MAPKAP1: variants seen among roughly 807,000 people sequenced by gnomAD.
MAPKAP1 encodes MAPK associated protein 1, also known as target of rapamycin complex 2 subunit MAPKAP1.
In MAPKAP1, 20 loss-of-function variants were observed where a neutral mutation model predicts 65.7. The ratio of observed to expected loss-of-function variants is 0.30; its 90% CI spans 0.21 to 0.44. The LOEUF is 0.44. Among genes scored for constraint, MAPKAP1 ranks in the 20% least tolerant of loss-of-function variants. The probability of loss-of-function intolerance (pLI) is 1.00; values close to 1 mark genes in which losing one functional copy is unlikely to be tolerated. For missense variants in MAPKAP1, 423 were observed against 648.0 expected, an observed-to-expected ratio of 0.65 and a Z score of 3.77; for synonymous variants, 222 against 244.3, an observed-to-expected ratio of 0.91 and a Z score of 0.85.
chr9:125,539,982 T>G (rs1228905765), intron 7 of MAPKAP1, among the ~76,000 whole-genome samples: 8 of 152,188 alleles, frequency 5.3e-5, no homozygotes, highest in Admixed American at 5.2e-4. Flanking sequence ...TCTTTTCATA[T>G]GAATATTAAT....
intron 3 of MAPKAP1, among the ~76,000 whole-genome samples, chr9:125,658,421 C>G (rs1315941074): frequency 6.6e-6 from 1 of 152,172 alleles, no homozygotes; most frequent in African/African-American, 2.4e-5. Flanking sequence ...TTTAGCAAGT[C>G]AATATATCTC....
intron 5 of MAPKAP1, among the ~76,000 whole-genome samples, chr9:125,560,545 C>T (rs931473106): frequency 3.9e-5 from 6 of 152,138 alleles, no homozygotes; most frequent in Non-Finnish European, 7.4e-5. Flanking sequence ...GATGGTGTTA[C>T]TTCACTCCAG....
At chr9:125,450,090 C>G (rs1033940225) in intron 10 of MAPKAP1, among the ~76,000 whole-genome samples, 1 of 151,852 alleles carries the variant, frequency 6.6e-6, no homozygotes, top group African/African-American at 2.4e-5. Context: ...GCCCGGCTAT[C>G]ATTTTTTTTA....
chr9:125,547,212 G>A (rs144346478), intron 6 of MAPKAP1, among the ~76,000 whole-genome samples: 3 of 152,268 alleles, frequency 2.0e-5, no homozygotes, highest in African/African-American at 4.8e-5. Flanking sequence ...CAGGCTTTCT[G>A]TACTAAGCAG....
At chr9:125,491,884 G>A (rs1393615440) in intron 8 of MAPKAP1, among the ~76,000 whole-genome samples, 1 of 151,942 alleles carries the variant, frequency 6.6e-6, no homozygotes, top group Non-Finnish European at 1.5e-5. Flanking sequence ...ATTTTTAATA[G>A]ATGTAACTCA....
chr9:125,463,056 A>G (rs1439116579), intron 10 of MAPKAP1, among the ~76,000 whole-genome samples: 2 of 152,062 alleles, frequency 1.3e-5, no homozygotes, highest in African/African-American at 4.8e-5. Flanking sequence ...TTGCAAAAGT[A>G]CCCCCTTCTG....
At chr9:125,606,878 A>G (rs918624874) in intron 4 of MAPKAP1, among the ~76,000 whole-genome samples, 7 of 152,186 alleles carry the variant, frequency 4.6e-5, no homozygotes, top group Non-Finnish European at 1.0e-4. Context: ...GCATGGAGCT[A>G]GGGGAGGGTA....
At chr9:125,458,869 G>A (rs1217776021) in intron 10 of MAPKAP1, among the ~76,000 whole-genome samples, 6 of 31,980 alleles carry the variant, frequency 1.9e-4, no homozygotes, top group Admixed American at 7.3e-4. Context: ...CCTCCCTCCC[G>A]GACGGGGCCG....
chr9:125,507,134 T>C (rs1158812151), intron 7 of MAPKAP1, among the ~76,000 whole-genome samples: 3 of 152,254 alleles, frequency 2.0e-5, no homozygotes, highest in Non-Finnish European at 4.4e-5. Flanking sequence ...CCAGGAATAC[T>C]AGCTACCCTG....
intron 7 of MAPKAP1, among the ~76,000 whole-genome samples, chr9:125,539,288 G>T (rs1830170618): frequency 6.6e-6 from 1 of 152,140 alleles, no homozygotes; most frequent in Non-Finnish European, 1.5e-5. Flanking sequence ...TCAAAAGAAT[G>T]GACAGGAATA....
At chr9:125,586,837 C>T (rs1214361364) in intron 4 of MAPKAP1, among the ~76,000 whole-genome samples, 2 of 152,138 alleles carry the variant, frequency 1.3e-5, no homozygotes, top group African/African-American at 4.8e-5. Context: ...TCCCTCACTC[C>T]CTCCTATCCC....
chr9:125,693,247 T>C (rs1036983914), intron 1 of MAPKAP1, among the ~76,000 whole-genome samples: 5 of 151,988 alleles, frequency 3.3e-5, no homozygotes, highest in Middle Eastern at 3.4e-3. Context: ...ACCCCGTCTC[T>C]ACTAAAAATA....
At chr9:125,514,576 G>C (rs1033133561) in intron 7 of MAPKAP1, among the ~76,000 whole-genome samples, 2 of 152,212 alleles carry the variant, frequency 1.3e-5, no homozygotes, top group African/African-American at 4.8e-5. Flanking sequence ...TGCCGAGCAA[G>C]TCTCTAATCT....
intron 7 of MAPKAP1, among the ~76,000 whole-genome samples, chr9:125,531,297 G>C (rs535520796): frequency 7.2e-5 from 11 of 152,290 alleles, no homozygotes; most frequent in Middle Eastern, 3.4e-3. Context: ...CTAGCTGTGC[G>C]ACCTCAGCAA....
At chr9:125,503,780 G>A (rs7028202) in intron 8 of MAPKAP1, among the ~76,000 whole-genome samples, 13,317 of 148,882 alleles carry the variant, frequency 0.089, 1,124 homozygotes, top group African/African-American at 0.23. Context: ...GCAGTGGCAC[G>A]ATCTGAGCTC....
intron 10 of MAPKAP1, among the ~76,000 whole-genome samples, chr9:125,453,804 C>T (rs915110299): frequency 2.4e-4 from 37 of 152,202 alleles, no homozygotes; most frequent in African/African-American, 8.7e-4. Flanking sequence ...AAAAAAATCA[C>T]TTTCATTAAT....
At chr9:125,535,280 A>C (rs1830041417) in intron 7 of MAPKAP1, among the ~76,000 whole-genome samples, 1 of 152,168 alleles carries the variant, frequency 6.6e-6, no homozygotes, top group Non-Finnish European at 1.5e-5. Flanking sequence ...CCATCAAATA[A>C]ATCACCCCAG....
chr9:125,493,329 T>A (rs1426628862), intron 8 of MAPKAP1, among the ~76,000 whole-genome samples: 2 of 152,214 alleles, frequency 1.3e-5, no homozygotes, highest in Admixed American at 1.3e-4. Flanking sequence ...ATTTATATGC[T>A]TCAAGGTCTA....
At chr9:125,635,878 C>A (rs549808013) in intron 4 of MAPKAP1, among the ~76,000 whole-genome samples, 2 of 152,252 alleles carry the variant, frequency 1.3e-5, no homozygotes, top group East Asian at 3.9e-4. Flanking sequence ...ATGTCTGTAT[C>A]CATGGGACCC....
Sources: gnomAD v4.1 joint callset for allele counts (sites outside exome capture counted in the v4.1 genomes callset) on GRCh38, gnomAD v4.1.1 for gene constraint, MANE v1.5 for transcripts, NCBI Gene and HGNC (gene_info 2026-07-23, HGNC 2026-07-21) for gene names.